SHANK2: variants seen among roughly 807,000 people sequenced by gnomAD.
SHANK2 encodes SH3 and multiple ankyrin repeat domains 2.
Under a neutral mutation model 133.7 loss-of-function variants are expected in SHANK2, and 43 were observed. The observed-to-expected ratio is 0.32, with a 90% CI of 0.25 to 0.41. The LOEUF (loss-of-function observed/expected upper bound fraction) is 0.41, where lower values mean the gene tolerates loss of function less well. SHANK2 is among the 10% of genes least tolerant of loss of function. The pLI is 1.00. For synonymous variants in SHANK2, 1,017 were observed against 952.8 expected, an observed-to-expected ratio of 1.07 and a Z score of -1.24; for missense variants, 1,994 against 2,235.8, an observed-to-expected ratio of 0.89 and a Z score of 2.18.
chr11:70,518,521 G>A (rs1591529020), intron 17 of SHANK2, among the ~76,000 whole-genome samples: 1 of 152,182 alleles, frequency 6.6e-6, no homozygotes, highest in African/African-American at 2.4e-5. Flanking sequence ...TGGCTGGCAC[G>A]TCTCTGAAGC....
At chr11:71,210,069 T>TTCGATCA (rs762370855) in intron 2 of SHANK2, among the ~76,000 whole-genome samples, 4 of 150,938 alleles carry the variant, frequency 2.7e-5, no homozygotes, top group Non-Finnish European at 5.9e-5. Flanking sequence ...AACAGAAGCT[T>TTCGATCA]TCGATCATCT....
intron 17 of SHANK2, chr11:70,632,043 G>T (rs562599675): frequency 6.6e-5 from 10 of 152,366 alleles, no homozygotes; most frequent in African/African-American, 2.4e-4. Flanking sequence ...GGTTCACTCT[G>T]TTCTGGGAAA....
At chr11:70,577,240 T>A (rs1164073082) in intron 17 of SHANK2, among the ~76,000 whole-genome samples, 2 of 152,152 alleles carry the variant, frequency 1.3e-5, no homozygotes, top group Non-Finnish European at 2.9e-5. Context: ...CTGGAAAGCA[T>A]GATAAGGGAT....
intron 17 of SHANK2, among the ~76,000 whole-genome samples, chr11:70,505,607 G>A (rs782173952): frequency 2.0e-5 from 3 of 152,172 alleles, no homozygotes; most frequent in African/African-American, 4.8e-5. Flanking sequence ...CGGGCCTTGA[G>A]GGGGCTCCAA....
At position 70,914,702 on chromosome 11, in the gene SHANK2, T is replaced by TAAAATAAAATA. The variant is rs2135737609; in HGVS notation, c.1108-18146_1108-18136dup. Among the ~76,000 whole-genome samples, 4 of 147,184 alleles carry TAAAATAAAATA rather than the reference T, an allele frequency of 2.7e-5. No individual in the cohort carries two copies. In the East Asian group the frequency reaches 7.8e-4, roughly 29 times the overall value. ...TAAAATAAAATAAAATAAAATAAAA[T>TAAAATAAAATA]AAAATAAAATAAAATAAAACAAAAC... On this transcript the variant is annotated intron_variant, in intron 10 of 25. Coordinates refer to ENST00000601538, the MANE Select transcript of SHANK2 (RefSeq NM_012309.5).
chr11:71,223,781 G>A (rs1555121717), intron 2 of SHANK2, among the ~76,000 whole-genome samples: 1 of 151,938 alleles, frequency 6.6e-6, no homozygotes. Flanking sequence ...TCCCTGCACG[G>A]GGCACCACCA....
chr11:70,631,404 A>ACC (rs1555002171), intron 17 of SHANK2, among the ~76,000 whole-genome samples: 4 of 149,280 alleles, frequency 2.7e-5, no homozygotes, highest in Non-Finnish European at 4.5e-5. Flanking sequence ...ACACACACAC[A>ACC]CACACCCACA....
At chr11:70,571,607 G>A (rs1554983105) in intron 17 of SHANK2, among the ~76,000 whole-genome samples, 1 of 152,216 alleles carries the variant, frequency 6.6e-6, no homozygotes, top group Non-Finnish European at 1.5e-5. Context: ...GGTCTAGGGA[G>A]GAGAGGTGAG....
intron 4 of SHANK2, among the ~76,000 whole-genome samples, chr11:71,117,033 G>A (rs1555100503): frequency 6.6e-6 from 1 of 152,108 alleles, no homozygotes; most frequent in African/African-American, 2.4e-5. Flanking sequence ...TGTTGTTGTT[G>A]TTTTAGATAG....
chr11:70,630,571 T>C (rs2060971481), intron 17 of SHANK2, among the ~76,000 whole-genome samples: 1 of 152,190 alleles, frequency 6.6e-6, no homozygotes, highest in South Asian at 2.1e-4. Flanking sequence ...GAGGTCATCC[T>C]GGAATAAGTG....
At chr11:70,876,512 G>A (rs986211231) in intron 11 of SHANK2, among the ~76,000 whole-genome samples, 8 of 146,504 alleles carry the variant, frequency 5.5e-5, no homozygotes, top group Non-Finnish European at 1.0e-4. Context: ...GTGAGCCAAG[G>A]TCACGCCACT....
chr11:71,219,104 G>C (rs1341500285), intron 2 of SHANK2, among the ~76,000 whole-genome samples: 1 of 152,232 alleles, frequency 6.6e-6, no homozygotes, highest in Admixed American at 6.5e-5. Flanking sequence ...AGAGAAGCCA[G>C]ATGAGGAGAG....
chr11:70,528,345 C>T (rs567534097), intron 17 of SHANK2, among the ~76,000 whole-genome samples: 3 of 152,296 alleles, frequency 2.0e-5, no homozygotes, highest in Admixed American at 1.3e-4. Context: ...CCTGGGCTGA[C>T]GCGAGGCTCC....
intron 2 of SHANK2, among the ~76,000 whole-genome samples, chr11:71,215,615 G>C (rs568667494): frequency 6.6e-6 from 1 of 152,208 alleles, no homozygotes; most frequent in African/African-American, 2.4e-5. Context: ...GTTCCCCGAG[G>C]AGGTGTCCCC....
intron 21 of SHANK2, among the ~76,000 whole-genome samples, chr11:70,494,123 G>A (rs1555156572): frequency 1.3e-5 from 2 of 152,130 alleles, no homozygotes; most frequent in African/African-American, 4.8e-5. Context: ...ATGGGGGTGT[G>A]CTGGGGACAC....
intron 1 of SHANK2, among the ~76,000 whole-genome samples, chr11:71,244,440 TC>T (rs147494692): frequency 0.015 from 2,275 of 152,284 alleles, 59 homozygotes; most frequent in African/African-American, 0.052. Flanking sequence ...GATCACACGC[TC>T]CTCCCAGAGG....
intron 2 of SHANK2, among the ~76,000 whole-genome samples, chr11:71,219,859 T>C (rs1044653799): frequency 2.0e-5 from 3 of 151,770 alleles, no homozygotes; most frequent in East Asian, 1.9e-4. Context: ...GATCACACCA[T>C]TGCACTCCAG....
rs542518493 is a variant in SHANK2 at position 71,216,918 on chromosome 11, TG to T, written c.-13+7778del. On this transcript the variant is annotated intron_variant, in intron 2 of 25. Coordinates refer to ENST00000601538, the MANE Select transcript of SHANK2 (RefSeq NM_012309.5). ...TCTACTTATTAAAAAATAAAGAGGC[TG>T]GGTGCAGTGGCTCACGCCTGCAATC... 2.0e-4 allele frequency among the ~76,000 whole-genome samples: 30 copies of T among 152,300 alleles called. 1 individual carries two copies. The East Asian group carries it at 5.4e-3, about 27-fold the overall frequency.
At chr11:70,477,763 C>T (rs1265342145) in intron 25 of SHANK2, among the ~76,000 whole-genome samples, 2 of 152,220 alleles carry the variant, frequency 1.3e-5, no homozygotes, top group African/African-American at 4.8e-5. Flanking sequence ...TAGAAAGTAA[C>T]CGCCTGTGAG....
Sources: allele counts gnomAD v4.1 joint callset (sites outside exome capture counted in the v4.1 genomes callset), GRCh38; gene constraint gnomAD v4.1.1; transcripts MANE v1.5; gene names NCBI Gene and HGNC (gene_info 2026-07-23, HGNC 2026-07-21).